The following ZC3H12B variants were observed in gnomAD, a reference collection of about 807,000 sequenced individuals.
ZC3H12B encodes probable ribonuclease ZC3H12B.
In ZC3H12B, 7 loss-of-function variants were observed where a neutral mutation model predicts 43.9. The observed-to-expected ratio is 0.16, with a 90% confidence interval of 0.09 to 0.30. The LOEUF is 0.30. Among genes scored for constraint, ZC3H12B ranks in the 10% least tolerant of loss-of-function variants. ZC3H12B has a pLI of 1.00. For synonymous variants in ZC3H12B, 222 were observed against 241.7 expected (o/e 0.92, Z 0.76); for missense variants, 475 against 670.2 (o/e 0.71, Z 3.22).
At chrX:65,129,270 T>C in the ZC3H12B span, among the ~76,000 whole-genome samples, 1 of 91,708 alleles carries the variant, frequency 1.1e-5, no homozygotes, top group East Asian at 2.9e-4. Flanking sequence ...TATATATATA[T>C]ATACATATAT....
intron 2 of ZC3H12B, among the ~76,000 whole-genome samples, chrX:65,373,960 C>CTA (rs1192346155): frequency 1.1e-4 from 5 of 45,583 alleles, no homozygotes; most frequent in East Asian, 5.6e-4. Flanking sequence ...TATATATATA[C>CTA]TGTATATATA....
the ZC3H12B span, among the ~76,000 whole-genome samples, chrX:65,190,747 G>A: frequency 3.9e-4 from 42 of 107,695 alleles, 1 homozygote; most frequent in African/African-American, 1.4e-3. Flanking sequence ...TCTGCAAACA[G>A]GGACAATTTG....
At chrX:65,397,841 A>G (rs764293084) in intron 2 of ZC3H12B, among the ~76,000 whole-genome samples, 2 of 111,930 alleles carry the variant, frequency 1.8e-5, no homozygotes, top group South Asian at 7.5e-4. Flanking sequence ...AAGTCAAACT[A>G]TTGTTTTTTG....
At chrX:65,399,072 A>T (rs781262641) in intron 3 of ZC3H12B, among the ~76,000 whole-genome samples, 6 of 112,612 alleles carry the variant, frequency 5.3e-5, no homozygotes, top group Non-Finnish European at 1.1e-4. Context: ...TTGTGAAACT[A>T]CTAAAAGCAA....
chrX:65,069,674 A>G, the ZC3H12B span, among the ~76,000 whole-genome samples: 1 of 111,748 alleles, frequency 8.9e-6, no homozygotes, highest in Non-Finnish European at 1.9e-5. Context: ...GTTGAATTTT[A>G]TTGAAAGCCT....
the ZC3H12B span, among the ~76,000 whole-genome samples, chrX:65,188,054 CAT>C: frequency 9.0e-6 from 1 of 111,496 alleles, no homozygotes; most frequent in South Asian, 3.7e-4. Context: ...TGAGAACATG[CAT>C]AGTTTGTCTT....
At chrX:65,144,383 C>T in the ZC3H12B span, among the ~76,000 whole-genome samples, 2 of 112,043 alleles carry the variant, frequency 1.8e-5, no homozygotes, top group Admixed American at 1.9e-4. Context: ...GTTAATCTTG[C>T]TAATGGTCTA....
chrX:65,314,498 A>G, the ZC3H12B span, among the ~76,000 whole-genome samples: 2 of 112,007 alleles, frequency 1.8e-5, no homozygotes, highest in Non-Finnish European at 3.8e-5. Flanking sequence ...TGGAAACAAC[A>G]TTGTTAAAGT....
chrX:65,153,881 C>T, the ZC3H12B span, among the ~76,000 whole-genome samples: 2 of 110,699 alleles, frequency 1.8e-5, no homozygotes, highest in African/African-American at 6.6e-5. Flanking sequence ...ACATATACAC[C>T]ATGGAATACT....
chrX:65,284,371 A>T, the ZC3H12B span, among the ~76,000 whole-genome samples: 1 of 111,693 alleles, frequency 9.0e-6, no homozygotes, highest in South Asian at 3.8e-4. Flanking sequence ...AAGGAATTTA[A>T]AAGACTGGTT....
chrX:65,248,294 T>G, the ZC3H12B span, among the ~76,000 whole-genome samples: 1 of 111,350 alleles, frequency 9.0e-6, no homozygotes, highest in Non-Finnish European at 1.9e-5. Flanking sequence ...CCTCCCAAAG[T>G]GCTGGGATTA....
the ZC3H12B span, among the ~76,000 whole-genome samples, chrX:65,091,428 C>G: frequency 1.8e-5 from 2 of 112,188 alleles, no homozygotes; most frequent in Non-Finnish European, 3.8e-5. Flanking sequence ...TTCATGCCAC[C>G]AAGTTTATGG....
chrX:65,211,037 A>T, the ZC3H12B span, among the ~76,000 whole-genome samples: 2 of 72,674 alleles, frequency 2.8e-5, no homozygotes, highest in African/African-American at 1.3e-4. Context: ...AACCTGCACA[A>T]TGTGCACATG....
chrX:65,052,379 G>A, the ZC3H12B span, among the ~76,000 whole-genome samples: 1 of 110,757 alleles, frequency 9.0e-6, no homozygotes. Context: ...ATTGATTATA[G>A]TCACCCTATT....
chrX:65,189,908 T>G, the ZC3H12B span, among the ~76,000 whole-genome samples: 1 of 108,368 alleles, frequency 9.2e-6, no homozygotes, highest in Non-Finnish European at 1.9e-5. Flanking sequence ...CTAGATTTTC[T>G]TCTAGGGTTT....
the ZC3H12B span, among the ~76,000 whole-genome samples, chrX:65,169,897 T>A: frequency 2.7e-5 from 3 of 112,032 alleles, no homozygotes; most frequent in Non-Finnish European, 5.6e-5. Context: ...CAGATCTTCC[T>A]CCATCCCTTT....
the ZC3H12B span, among the ~76,000 whole-genome samples, chrX:65,212,327 T>C: frequency 2.1e-5 from 1 of 47,106 alleles, no homozygotes; most frequent in African/African-American, 1.3e-4. Flanking sequence ...TATATTTATA[T>C]TATATAATAT....
At chrX:65,129,957 A>T in the ZC3H12B span, among the ~76,000 whole-genome samples, 1 of 111,391 alleles carries the variant, frequency 9.0e-6, no homozygotes, top group African/African-American at 3.3e-5. Context: ...GTTTTGTATG[A>T]ATTGAGAAAC....
chrX:65,341,393 C>A, the ZC3H12B span, among the ~76,000 whole-genome samples: 1 of 110,997 alleles, frequency 9.0e-6, no homozygotes, highest in Non-Finnish European at 1.9e-5. Context: ...AGATCATCCC[C>A]AAGACATATA....
Sources: allele counts gnomAD v4.1 joint callset (sites outside exome capture counted in the v4.1 genomes callset), GRCh38; gene constraint gnomAD v4.1.1; transcripts MANE v1.5; gene names NCBI Gene and HGNC (gene_info 2026-07-23, HGNC 2026-07-21).